The following DLG2 variants were observed in gnomAD, a reference collection of about 807,000 sequenced individuals.
The protein encoded by DLG2 is disks large homolog 2.
DLG2 carries 45 observed loss-of-function variants against 132.5 expected under a neutral mutation model. That is an observed-to-expected ratio of 0.34 (90% confidence interval 0.27 to 0.44). The LOEUF (loss-of-function observed/expected upper bound fraction) is 0.44, where lower values mean the gene tolerates loss of function less well. Ranked by LOEUF, DLG2 falls within the 20% of genes least tolerant of loss-of-function variation. The pLI is 1.00. For missense variants in DLG2, 1,045 were observed against 1,196.9 expected, an observed-to-expected ratio of 0.87 and a Z score of 1.87; for synonymous variants, 424 against 419.6, an observed-to-expected ratio of 1.01 and a Z score of -0.13.
intron 15 of DLG2, among the ~76,000 whole-genome samples, chr11:83,903,936 TG>T (rs2074105927): frequency 1.3e-5 from 2 of 152,204 alleles, no homozygotes; most frequent in African/African-American, 4.8e-5. Context: ...TACATATCTA[TG>T]ATAAAACTTG....
intron 8 of DLG2, among the ~76,000 whole-genome samples, chr11:84,217,431 A>T (rs972045955): frequency 4.6e-5 from 7 of 152,142 alleles, no homozygotes; most frequent in African/African-American, 1.7e-4. Context: ...TCTGCCGCCA[A>T]GTGAGATGTG....
intron 4 of DLG2, among the ~76,000 whole-genome samples, chr11:85,204,380 T>C (rs748078026): frequency 3.3e-5 from 5 of 152,158 alleles, no homozygotes; most frequent in Non-Finnish European, 5.9e-5. Flanking sequence ...AGCATTTCTA[T>C]ATGTTAACTG....
chr11:83,844,343 C>A, intron 16 of DLG2, among the ~76,000 whole-genome samples: 1 of 149,432 alleles, frequency 6.7e-6, no homozygotes, highest in East Asian at 2.0e-4. Flanking sequence ...CCAGAAGTTC[C>A]AGACCAGCCT....
At chr11:84,153,867 G>A (rs1340192559) in intron 9 of DLG2, among the ~76,000 whole-genome samples, 1 of 152,196 alleles carries the variant, frequency 6.6e-6, no homozygotes. Context: ...TTGGGAAGCT[G>A]TTGCAATTAT....
chr11:84,555,462 A>G (rs2099410094), intron 6 of DLG2, among the ~76,000 whole-genome samples: 1 of 152,134 alleles, frequency 6.6e-6, no homozygotes, highest in Admixed American at 6.5e-5. Context: ...CACACACACA[A>G]TAAAATGTTA....
At chr11:84,915,305 C>T (rs2092387447) in intron 6 of DLG2, among the ~76,000 whole-genome samples, 1 of 151,888 alleles carries the variant, frequency 6.6e-6, no homozygotes, top group East Asian at 1.9e-4. Context: ...TTAATCTTGA[C>T]CAACATTATA....
intron 9 of DLG2, among the ~76,000 whole-genome samples, chr11:84,108,376 T>TA (rs1174241418): frequency 1.3e-5 from 2 of 151,850 alleles, no homozygotes; most frequent in African/African-American, 4.8e-5. Context: ...GAAGGAGATT[T>TA]AAAAAACAAA....
intron 7 of DLG2, among the ~76,000 whole-genome samples, chr11:84,450,429 A>G (rs2154480888): frequency 6.6e-6 from 1 of 150,910 alleles, no homozygotes. Flanking sequence ...TTTTTCCAGA[A>G]GAAACAGCAG....
At chr11:85,209,403 C>T (rs531645179) in intron 4 of DLG2, among the ~76,000 whole-genome samples, 94 of 149,400 alleles carry the variant, frequency 6.3e-4, no homozygotes, top group Non-Finnish European at 1.2e-3. Flanking sequence ...TGATTTAATG[C>T]CTCCAGCTCT....
chr11:84,513,281 G>T (rs1238990706), intron 7 of DLG2, among the ~76,000 whole-genome samples: 1 of 151,938 alleles, frequency 6.6e-6, no homozygotes, highest in East Asian at 1.9e-4. Flanking sequence ...CAAATTCAGT[G>T]AAATTCCTAT....
intron 6 of DLG2, among the ~76,000 whole-genome samples, chr11:84,719,844 C>G (rs765129929): frequency 5.9e-5 from 9 of 152,124 alleles, no homozygotes; most frequent in African/African-American, 1.2e-4. Context: ...AGCTGTTTAT[C>G]TTAAAAAATG....
At chr11:83,906,893 T>G (rs2154106295) in intron 15 of DLG2, among the ~76,000 whole-genome samples, 1 of 152,268 alleles carries the variant, frequency 6.6e-6, no homozygotes, top group South Asian at 2.1e-4. Flanking sequence ...GACTTTCAAG[T>G]TTATCGGTAA....
At chr11:85,257,108 T>C (rs2076709968) in intron 4 of DLG2, among the ~76,000 whole-genome samples, 1 of 152,186 alleles carries the variant, frequency 6.6e-6, no homozygotes, top group Non-Finnish European at 1.5e-5. Flanking sequence ...GATTGATGCA[T>C]GCTGTATAGA....
intron 6 of DLG2, among the ~76,000 whole-genome samples, chr11:85,064,324 T>C (rs2064549934): frequency 6.6e-6 from 1 of 151,952 alleles, no homozygotes; most frequent in South Asian, 2.1e-4. Flanking sequence ...ATGAATACAC[T>C]GAAAGGTCAC....
intron 3 of DLG2, chr11:85,453,811 G>T (rs763604788): frequency 6.6e-6 from 1 of 152,032 alleles, no homozygotes; most frequent in Non-Finnish European, 1.5e-5. Flanking sequence ...GGGTTTAGGG[G>T]TACATGCACA....
chr11:84,216,170 T>C (rs1317378871), intron 8 of DLG2, among the ~76,000 whole-genome samples: 1 of 152,132 alleles, frequency 6.6e-6, no homozygotes, highest in Admixed American at 6.6e-5. Context: ...CTTCTCATGC[T>C]TTCTTTGTGG....
intron 6 of DLG2, among the ~76,000 whole-genome samples, chr11:84,666,341 TTAC>T (rs2099699726): frequency 6.6e-6 from 1 of 152,180 alleles, no homozygotes; most frequent in Admixed American, 6.6e-5. Flanking sequence ...TCAGCTCTTG[TTAC>T]TACTACAGCA....
chr11:85,351,344 T>C (rs1290763031), intron 3 of DLG2, among the ~76,000 whole-genome samples: 2 of 152,226 alleles, frequency 1.3e-5, no homozygotes, highest in African/African-American at 4.8e-5. Context: ...TATACAATCA[T>C]GTCAACTGCA....
Position 83,459,757 on chromosome 11 carries a change from G to T in DLG2, c.*61C>A. ...AAACATAAAAGCCTCCAAGTAGTAT[G>T]TTATATATATTTTGTTCTTCTAAAT... On this transcript the variant is annotated 3_prime_UTR_variant, in exon 28 of 28. Transcript: ENST00000376104. 2 of 894,112 alleles carry T rather than the reference G, an allele frequency of 2.2e-6. No individual in the cohort carries two copies. Among genetic ancestry groups the T allele is most frequent in the South Asian group, 1.4e-5 (1 of 73,912 alleles). 55.4% of individuals were successfully genotyped at this position (894,112 alleles called of 1,614,324 possible). A position where few individuals can be genotyped will look rare whatever the true frequency, so the allele number is the denominator to read the frequency against.
Sources: allele counts gnomAD v4.1 joint callset (sites outside exome capture counted in the v4.1 genomes callset), GRCh38; gene constraint gnomAD v4.1.1; transcripts MANE v1.5; gene names NCBI Gene and HGNC (gene_info 2026-07-23, HGNC 2026-07-21).